Variants in PDE4D observed in about 807,000 individuals in gnomAD.
The protein encoded by PDE4D is 3',5'-cyclic-AMP phosphodiesterase 4D.
In PDE4D, 24 loss-of-function variants were observed where a neutral mutation model predicts 87.4. The ratio of observed to expected loss-of-function variants is 0.27; its 90% CI spans 0.20 to 0.39. PDE4D has a LOEUF of 0.39. Ranked by LOEUF, PDE4D falls within the 10% of genes least tolerant of loss-of-function variation. PDE4D has a pLI of 1.00. For missense variants in PDE4D, 714 were observed against 1,041.0 expected, an observed-to-expected ratio of 0.69 and a Z score of 4.32; for synonymous variants, 384 against 383.2, an observed-to-expected ratio of 1.00 and a Z score of -0.02.
intron 11 of PDE4D, among the ~76,000 whole-genome samples, chr5:58,987,008 T>A (rs956519098): frequency 6.6e-6 from 1 of 152,150 alleles, no homozygotes. Flanking sequence ...TAAAAATACA[T>A]TTTATGTATT....
intron 1 of PDE4D, among the ~76,000 whole-genome samples, chr5:59,475,757 T>A (rs374392414): frequency 2.6e-5 from 4 of 152,076 alleles, no homozygotes; most frequent in Non-Finnish European, 5.9e-5. Flanking sequence ...TCAGTCGTTG[T>A]AGGGCTCAGG....
intron 1 of PDE4D, among the ~76,000 whole-genome samples, chr5:60,347,488 AATAGGTTGC>A (rs1240994887): frequency 1.2e-4 from 19 of 152,070 alleles, no homozygotes; most frequent in African/African-American, 4.6e-4. Context: ...TTGTGTAGAG[AATAGGTTGC>A]ATATTTTATT....
At chr5:60,049,091 C>G (rs1433503781) in intron 2 of PDE4D, among the ~76,000 whole-genome samples, 1 of 152,112 alleles carries the variant, frequency 6.6e-6, no homozygotes, top group Non-Finnish European at 1.5e-5. Flanking sequence ...CTCTAAACTT[C>G]CCTTCTCACT....
intron 1 of PDE4D, among the ~76,000 whole-genome samples, chr5:59,719,083 C>A (rs1755450192): frequency 6.6e-6 from 1 of 151,462 alleles, no homozygotes; most frequent in Non-Finnish European, 1.5e-5. Flanking sequence ...CAGGAGGTAA[C>A]ACTAAAGGGG....
chr5:59,872,667 T>C (rs1747997955), intron 1 of PDE4D, among the ~76,000 whole-genome samples: 1 of 152,220 alleles, frequency 6.6e-6, no homozygotes, highest in South Asian at 2.1e-4. Flanking sequence ...CCCATTAATA[T>C]TGAAGTAAAA....
chr5:59,990,602 G>C (rs1040328190), intron 2 of PDE4D, among the ~76,000 whole-genome samples: 18 of 152,262 alleles, frequency 1.2e-4, no homozygotes, highest in African/African-American at 4.1e-4. Context: ...TAAATTCTGA[G>C]AATCTGTGCT....
chr5:59,084,645 G>T (rs910363220), intron 5 of PDE4D, among the ~76,000 whole-genome samples: 2 of 151,968 alleles, frequency 1.3e-5, no homozygotes, highest in Non-Finnish European at 2.9e-5. Flanking sequence ...CCAGCACTTC[G>T]AGAGGCAGAG....
chr5:60,079,108 G>A (rs1042533880), intron 2 of PDE4D, among the ~76,000 whole-genome samples: 1 of 152,130 alleles, frequency 6.6e-6, no homozygotes, highest in African/African-American at 2.4e-5. Flanking sequence ...ATCTCATAGT[G>A]GTTTTGATTT....
Position 59,124,104 on chromosome 5 carries a change from G to C in PDE4D, c.808+56491C>G, listed in dbSNP as rs540125162. ...AACAACTTTTCCTAGCCCAAGTCCA[G>C]CTTCTGGTTCTGCCCTGACAGGTAT... is the stretch of plus-strand genomic sequence containing the variant. On this transcript the variant is annotated intron_variant, in intron 5 of 14. Transcript: ENST00000340635. Among the ~76,000 whole-genome samples, 9 of 152,296 alleles carry C rather than the reference G, an allele frequency of 5.9e-5. No individual in the cohort carries two copies. In the South Asian group the frequency reaches 1.9e-3, roughly 32 times the overall value.
chr5:60,299,368 A>T (rs958424229), intron 1 of PDE4D, among the ~76,000 whole-genome samples: 5 of 152,220 alleles, frequency 3.3e-5, no homozygotes, highest in African/African-American at 1.2e-4. Context: ...GGTATAGAAA[A>T]CTAAGAACAT....
intron 6 of PDE4D, among the ~76,000 whole-genome samples, chr5:59,030,099 G>A (rs180833064): frequency 4.1e-4 from 63 of 151,960 alleles, no homozygotes; most frequent in African/African-American, 1.4e-3. Flanking sequence ...AAAATATAAG[G>A]GAAAATCTCC....
intron 1 of PDE4D, among the ~76,000 whole-genome samples, chr5:59,714,609 G>C (rs943591785): frequency 6.6e-6 from 1 of 152,216 alleles, no homozygotes; most frequent in African/African-American, 2.4e-5. Context: ...ATGGAATTTG[G>C]ACAGTGCCAC....
chr5:59,887,047 A>G (rs1237545966), intron 1 of PDE4D, among the ~76,000 whole-genome samples: 2 of 152,156 alleles, frequency 1.3e-5, no homozygotes, highest in African/African-American at 4.8e-5. Context: ...GAAAAAACAC[A>G]AGAGTTATTT....
At chr5:59,254,621 CTTTTT>C (rs1053539767) in intron 1 of PDE4D, among the ~76,000 whole-genome samples, 1 of 152,038 alleles carries the variant, frequency 6.6e-6, no homozygotes, top group East Asian at 1.9e-4. Flanking sequence ...TCTTCTTCTT[CTTTTT>C]TATTTTTTAC....
At chr5:59,084,144 C>T (rs1767269125) in intron 5 of PDE4D, among the ~76,000 whole-genome samples, 1 of 151,802 alleles carries the variant, frequency 6.6e-6, no homozygotes, top group Admixed American at 6.6e-5. Flanking sequence ...TAACATGGGG[C>T]TTTTTGTCTA....
chr5:59,762,002 G>A (rs1193189507), intron 1 of PDE4D, among the ~76,000 whole-genome samples: 2 of 152,046 alleles, frequency 1.3e-5, no homozygotes, highest in African/African-American at 2.4e-5. Context: ...TTTCTGGTCC[G>A]TTATAATATT....
chr5:59,450,050 T>A (rs761994015), intron 1 of PDE4D, among the ~76,000 whole-genome samples: 35 of 152,228 alleles, frequency 2.3e-4, no homozygotes, highest in Admixed American at 4.6e-4. Flanking sequence ...ACTTGGGTTA[T>A]AATGCACCAT....
intron 1 of PDE4D, 116 bp downstream of exon 1, chr5:59,893,052 A>T: frequency 9.4e-7 from 1 of 1,066,994 alleles, no homozygotes; most frequent in South Asian, 1.5e-5. Flanking sequence ...CAATTTCCAG[A>T]CTAGCATTTT....
At chr5:60,007,496 A>T (rs1453611499) in intron 2 of PDE4D, among the ~76,000 whole-genome samples, 4 of 152,068 alleles carry the variant, frequency 2.6e-5, no homozygotes, top group South Asian at 2.1e-4. Flanking sequence ...TCATTTAAAA[A>T]TCTAGCCAAT....
Sources: allele counts gnomAD v4.1 joint callset (sites outside exome capture counted in the v4.1 genomes callset), GRCh38; gene constraint gnomAD v4.1.1; transcripts MANE v1.5; gene names NCBI Gene and HGNC (gene_info 2026-07-23, HGNC 2026-07-21).